MYADML2: variants seen among roughly 807,000 people sequenced by gnomAD.
The protein encoded by MYADML2 is myeloid-associated differentiation marker-like protein 2.
Under a neutral mutation model 16.0 loss-of-function variants are expected in MYADML2, and 17 were observed. The observed-to-expected ratio is 1.06, with a 90% CI of 0.73 to 1.60. MYADML2 has a LOEUF of 1.60. Among genes scored for constraint, MYADML2 ranks in the 40% most tolerant of loss-of-function variants. The probability of loss-of-function intolerance (pLI) is 0.00; values close to 1 mark genes in which losing one functional copy is unlikely to be tolerated. For synonymous variants in MYADML2, 210 were observed against 208.1 expected, an observed-to-expected ratio of 1.01 and a Z score of -0.08; for missense variants, 422 against 437.7, an observed-to-expected ratio of 0.96 and a Z score of 0.32.
intron 1 of MYADML2, among the ~76,000 whole-genome samples, chr17:81,943,916 C>G (rs950228840): frequency 1.3e-5 from 2 of 151,184 alleles, no homozygotes; most frequent in African/African-American, 4.9e-5. Flanking sequence ...TACAGACCAT[C>G]CTGGCTAACA....
At chr17:81,944,783 T>C (rs184357865) in intron 1 of MYADML2, among the ~76,000 whole-genome samples, 54 of 152,302 alleles carry the variant, frequency 3.5e-4, no homozygotes, top group African/African-American at 1.3e-3. Context: ...TGATCACCAG[T>C]GACCAATGAT....
intron 1 of MYADML2, among the ~76,000 whole-genome samples, chr17:81,944,844 G>A (rs2041331587): frequency 6.6e-6 from 1 of 152,224 alleles, no homozygotes; most frequent in Admixed American, 6.5e-5. Flanking sequence ...CAAAAGGACA[G>A]GGTTGGGAGG....
rs533711162 is a variant in MYADML2, at chr17:81,941,510, C to T, written c.232G>A (p.Gly78Ser). The T allele has an allele frequency of 4.4e-5, 68 of 1,548,060 alleles. No individual in the cohort carries two copies. In the South Asian group the frequency reaches 6.5e-4, roughly 15 times the overall value. The change falls in exon 3 of 3, where the codon GGC becomes AGC. Residue 78 changes from glycine to serine, a missense_variant. Physicochemically the swap from Gly to Ser is moderately conservative, Grantham distance 56. Coordinates refer to ENST00000409745, the MANE Select transcript of MYADML2 (RefSeq NM_001145113.3). ...VVACEFTRLH[G>S]CLRLSWGNFT... ...TTGCCCCAGGAGAGCCGCAGGCAGCCGTGGAGCCGTGTGAACTCACAGGCC... is the reference window on the plus strand; with the variant it reads ...TTGCCCCAGGAGAGCCGCAGGCAGCTGTGGAGCCGTGTGAACTCACAGGCC...
chr17:81,940,807 G>A lies in MYADML2; in HGVS notation c.*11C>T, dbSNP rs2041295644. The A allele has an allele frequency of 6.7e-7, 1 of 1,486,854 alleles. No individual in the cohort carries two copies. The highest frequency in any genetic ancestry group is 1.3e-5 in the South Asian group (1 of 74,324). The allele number at this position is 1,486,854 out of a possible 1,614,324, so 92.1% of individuals were successfully genotyped here. On this transcript the variant is annotated 3_prime_UTR_variant, in exon 3 of 3. Coordinates refer to ENST00000409745, the MANE Select transcript of MYADML2 (RefSeq NM_001145113.3). ...GCCAGAGAGCAGAGGTGGGTGGGCT[G>A]CCACTGTGGGCTACAGGCTGGGCAC...
chr17:81,945,980 A>C (rs1020934379), intron 1 of MYADML2, among the ~76,000 whole-genome samples: 4 of 152,132 alleles, frequency 2.6e-5, no homozygotes, highest in Admixed American at 6.6e-5. Context: ...GGTTGGCCAG[A>C]GGGCGGGTGA....
rs759999357 is a variant in MYADML2 at position 81,941,665 on chromosome 17, C to T, written c.77G>A (p.Arg26His). 8 of 1,549,384 alleles carry T rather than the reference C, an allele frequency of 5.2e-6. No homozygotes were observed. The highest frequency in any genetic ancestry group is 2.4e-5 in the South Asian group (2 of 84,022). ...GAVTSPVGTARVLQLAFGCTT... is the reference protein window; with the variant it reads ...GAVTSPVGTAHVLQLAFGCTT... ...GCAGCCAAAGGCCAGCTGCAGCACG[C>T]GGGCTGTGCCCACAGGGGATGTCAC... is the stretch of plus-strand genomic sequence containing the variant. The change falls in exon 3 of 3, where the codon CGC (arginine) becomes CAC (histidine). Residue 26 changes from arginine to histidine, a missense_variant. Physicochemically the swap from Arg to His is conservative, Grantham distance 29. Transcript: ENST00000409745.
intron 1 of MYADML2, among the ~76,000 whole-genome samples, chr17:81,946,567 G>A (rs2041349099): frequency 6.6e-6 from 1 of 151,860 alleles, no homozygotes; most frequent in Non-Finnish European, 1.5e-5. Context: ...AGAATGGCGT[G>A]AACCCGGGAG....
Position 81,941,854 on chromosome 17 carries a change from A to G in MYADML2, c.-102-11T>C. On this transcript the variant is annotated splice_polypyrimidine_tract_variant and intron_variant, in intron 2 of 2. Transcript: ENST00000409745. Reference sequence around the variant, plus strand: ...GCAGGTGCCTGCAGCCTGCAGAGGCAGTGACGACGGTGACATTGCAGCAGG... The same window carrying G: ...GCAGGTGCCTGCAGCCTGCAGAGGCGGTGACGACGGTGACATTGCAGCAGG... 1 of 1,074,634 alleles carries G rather than the reference A, an allele frequency of 9.3e-7. No individual in the cohort carries two copies. The highest frequency in any genetic ancestry group is 1.3e-6 in the Non-Finnish European group (1 of 763,066). The allele number at this position is 1,074,634 out of a possible 1,614,324, so 66.6% of individuals were successfully genotyped here. A position where few individuals can be genotyped will look rare whatever the true frequency, so the allele number is the denominator to read the frequency against.
chr17:81,941,382 G>C lies in MYADML2; in HGVS notation c.360C>G (p.Ala120=), dbSNP rs575426891. The C allele has an allele frequency of 1.6e-5, 25 of 1,548,740 alleles. No individual in the cohort carries two copies. The highest frequency in any genetic ancestry group is 2.1e-5 in the Non-Finnish European group (24 of 1,146,216). Residue 120 remains alanine, a synonymous_variant, in exon 3 of 3, where the codon GCC becomes GCG. Transcript: ENST00000409745. ...FARRECSPEP[A]GCAARDFRLA... ...GGCGGAAGTCCCTGGCAGCACAGCC[G>C]GCGGGCTCGGGGGAACACTCCCGCC...
chr17:81,944,792 A>G (rs2041331176), intron 1 of MYADML2, among the ~76,000 whole-genome samples: 1 of 152,180 alleles, frequency 6.6e-6, no homozygotes, highest in South Asian at 2.1e-4. Context: ...GTGACCAATG[A>G]TGTAATCAGT....
At chr17:81,946,450 C>CG (rs1188985814) in intron 1 of MYADML2, among the ~76,000 whole-genome samples, 1 of 151,388 alleles carries the variant, frequency 6.6e-6, no homozygotes, top group Non-Finnish European at 1.5e-5. Flanking sequence ...AGATCGAGAC[C>CG]ATCCTGGCCA....
chr17:81,943,588 A>G (rs1268328556), intron 1 of MYADML2, among the ~76,000 whole-genome samples: 2 of 145,450 alleles, frequency 1.4e-5, no homozygotes, highest in Non-Finnish European at 3.0e-5. Context: ...TATTTTTAGT[A>G]GACACGGGGT....
At chr17:81,945,300 G>T (rs2041335592) in intron 1 of MYADML2, among the ~76,000 whole-genome samples, 2 of 151,998 alleles carry the variant, frequency 1.3e-5, no homozygotes, top group Admixed American at 1.3e-4. Flanking sequence ...AGCACTTTGG[G>T]AGGCCAAGGT....
Position 81,941,234 on chromosome 17 carries a change from C to T in MYADML2, c.508G>A (p.Val170Ile), listed in dbSNP as rs943256044. 21 of 1,550,152 alleles carry T rather than the reference C, an allele frequency of 1.4e-5. No homozygotes were observed. The highest frequency in any genetic ancestry group is 2.0e-5 in the Admixed American group (1 of 51,010). Residue 170 changes from valine (V) to isoleucine (I), a missense_variant, in exon 3 of 3, where the codon GTC (valine) becomes ATC (isoleucine). Val to Ile is a conservative substitution (Grantham distance 29). Transcript: ENST00000409745. The stretch of plus-strand genomic sequence containing the variant: ...ATGATGCAGGCCACGAAGGCCTGGA[C>T]GATCTTGAGGAGCCCCGACACCGTG... ...MATVSGLLKI[V>I]QAFVACIIFG...
Position 81,941,195 on chromosome 17 carries a change from C to A in MYADML2, c.547G>T (p.Val183Phe), listed in dbSNP as rs1453017100. The change falls in exon 3 of 3, where the codon GTC becomes TTC. Residue 183 changes from valine (V) to phenylalanine (F), a missense_variant. By Grantham distance (50) the Val-to-Phe change is conservative. Coordinates refer to ENST00000409745, the MANE Select transcript of MYADML2 (RefSeq NM_001145113.3). ...FVACIIFGAL[V>F]HDSRYGRYVA... ...TAGCGCCCGTAGCGGCTGTCATGGA[C>A]CAGCGCCCCGAAGATGATGCAGGCC... 6.5e-7 allele frequency: 1 copy of A among 1,550,176 alleles called. No individual in the cohort carries two copies. Among genetic ancestry groups the A allele is most frequent in the South Asian group, 1.2e-5 (1 of 84,064 alleles).
At chr17:81,943,070 A>G (rs1376459102) in intron 1 of MYADML2, among the ~76,000 whole-genome samples, 1 of 150,978 alleles carries the variant, frequency 6.6e-6, no homozygotes, top group Non-Finnish European at 1.5e-5. Context: ...GAAAAAAATG[A>G]TATCTTTTTT....
At position 81,941,738 on chromosome 17, in the gene MYADML2, C is replaced by T. The variant is rs772144180; in HGVS notation, c.4G>A (p.Gly2Ser). M[G>S]STMEPPGGAY... ...CCCCCAGGGGGCTCCATGGTGCTGC[C>T]CATCTGGCCAGCCACGTTTCCAGCT... The change falls in exon 3 of 3, where the codon GGC becomes AGC. Residue 2 changes from glycine to serine, a missense_variant. Gly to Ser is a moderately conservative substitution (Grantham distance 56). Transcript: ENST00000409745. The T allele has an allele frequency of 1.5e-5, 23 of 1,505,316 alleles. No homozygotes were observed. In the South Asian group the frequency reaches 2.9e-4, roughly 19 times the overall value. 93.2% of individuals were successfully genotyped at this position (1,505,316 alleles called of 1,614,324 possible).
chr17:81,940,630 T>G lies in MYADML2; in HGVS notation c.*188A>C. ...CGTCTGCTCAGGGCCTCTGCCCTAC[T>G]GTCCTGCCCTTGTCCCTCTGAGCCC... On this transcript the variant is annotated 3_prime_UTR_variant, in exon 3 of 3. Transcript: ENST00000409745. 6 of 630,806 alleles carry G rather than the reference T, an allele frequency of 9.5e-6. No individual in the cohort carries two copies. The South Asian group carries it at 1.1e-4, about 12-fold the overall frequency. 39.1% of individuals were successfully genotyped at this position (630,806 alleles called of 1,614,324 possible).
At position 81,940,638 on chromosome 17, in the gene MYADML2, C is replaced by T. The variant is rs1164637449; in HGVS notation, c.*180G>A. 11 of 675,270 alleles carry T rather than the reference C, an allele frequency of 1.6e-5. No individual in the cohort carries two copies. Among genetic ancestry groups the T allele is most frequent in the Non-Finnish European group, 2.7e-5 (11 of 408,302 alleles). 41.8% of individuals were successfully genotyped at this position (675,270 alleles called of 1,614,324 possible). ...CAGGGCCTCTGCCCTACTGTCCTGC[C>T]CTTGTCCCTCTGAGCCCAGTCTGGA... On this transcript the variant is annotated 3_prime_UTR_variant, in exon 3 of 3. Transcript: ENST00000409745.
Sources: allele counts gnomAD v4.1 joint callset (sites outside exome capture counted in the v4.1 genomes callset), GRCh38; gene constraint gnomAD v4.1.1; transcripts MANE v1.5; gene names NCBI Gene and HGNC (gene_info 2026-07-23, HGNC 2026-07-21).